Variants in AQP11 observed in about 807,000 individuals in gnomAD.
AQP11 encodes the protein aquaporin-11.
In AQP11, 20 loss-of-function variants were observed where a neutral mutation model predicts 21.1. The observed-to-expected ratio is 0.95, with a 90% CI of 0.67 to 1.38. The LOEUF (loss-of-function observed/expected upper bound fraction) is 1.38. Ranked by LOEUF, AQP11 falls within the 40% of genes most tolerant of loss-of-function variation. The pLI, the probability that AQP11 is intolerant of heterozygous loss-of-function variation, is 0.00. For missense variants in AQP11, 339 were observed against 340.4 expected (o/e 1.00, Z 0.03); for synonymous variants, 167 against 150.1 (o/e 1.11, Z -0.82).
intron 1 of AQP11, among the ~76,000 whole-genome samples, chr11:77,602,519 T>A (rs1312039984): frequency 6.6e-6 from 1 of 152,228 alleles, no homozygotes; most frequent in Non-Finnish European, 1.5e-5. Context: ...ATATCATTTA[T>A]AATTGCTGAG....
chr11:77,590,010 G>A lies in AQP11; in HGVS notation c.18G>A (p.Gly6=). Residue 6 remains glycine (G), a synonymous_variant, in exon 1 of 3, where the codon GGG becomes GGA. Coordinates refer to ENST00000313578, the MANE Select transcript of AQP11 (RefSeq NM_173039.3). ...ACGGAGCCATGTCGCCGCTGCTGGG[G>A]CTCCGGTCCGAGCTGCAGGACACCT... MSPLL[G]LRSELQDTCT... 6.7e-7 allele frequency: 1 copy of A among 1,502,120 alleles called. No individual in the cohort carries two copies. Among genetic ancestry groups the A allele is most frequent in the Non-Finnish European group, 8.8e-7 (1 of 1,130,040 alleles). 93.0% of individuals were successfully genotyped at this position (1,502,120 alleles called of 1,614,324 possible). A position where few individuals can be genotyped will look rare whatever the true frequency, so the allele number is the denominator to read the frequency against.
rs536473402 is a variant in AQP11 at position 77,590,244 on chromosome 11, C to T, written c.252C>T (p.Phe84=). The change falls in exon 1 of 3, where the codon TTC becomes TTT. Residue 84 remains phenylalanine (F), a synonymous_variant. Coordinates refer to ENST00000313578, the MANE Select transcript of AQP11 (RefSeq NM_173039.3). ...HPTWTLTLVY[F]FSLVHGLTLV... is the part of the protein sequence containing the mutation. Reference sequence around the variant, plus strand: ...CCTGGACGCTGACGCTCGTCTACTTCTTCTCGCTTGTGCATGGCCTGACTC... The same window carrying T: ...CCTGGACGCTGACGCTCGTCTACTTTTTCTCGCTTGTGCATGGCCTGACTC... 8.8e-6 allele frequency: 14 copies of T among 1,598,704 alleles called. No homozygotes were observed. In the African/African-American group the frequency reaches 1.9e-4, roughly 21 times the overall value.
chr11:77,601,344 CTTTTTTTT>C (rs36104720), intron 1 of AQP11, among the ~76,000 whole-genome samples: 28 of 129,396 alleles, frequency 2.2e-4, no homozygotes, highest in Non-Finnish European at 2.7e-4. Flanking sequence ...CCATTCAAAA[CTTTTTTTT>C]TTTTTTTTTT....
chr11:77,596,040 A>C (rs1958776612), intron 1 of AQP11, among the ~76,000 whole-genome samples: 1 of 151,698 alleles, frequency 6.6e-6, no homozygotes, highest in African/African-American at 2.4e-5. Flanking sequence ...AAAGGTCCAA[A>C]ATTTATTTTG....
At chr11:77,608,785 T>C (rs1238178119) in intron 2 of AQP11, among the ~76,000 whole-genome samples, 1 of 152,170 alleles carries the variant, frequency 6.6e-6, no homozygotes, top group Non-Finnish European at 1.5e-5. Flanking sequence ...TTGAGATTAA[T>C]GAAAAAAGAG....
At chr11:77,604,996 A>G (rs1400877765) in intron 2 of AQP11, among the ~76,000 whole-genome samples, 12 of 152,138 alleles carry the variant, frequency 7.9e-5, no homozygotes, top group Admixed American at 7.9e-4. Flanking sequence ...GATTGAGACC[A>G]TCCTGGCTAA....
intron 1 of AQP11, among the ~76,000 whole-genome samples, chr11:77,595,234 A>G (rs1037650959): frequency 6.6e-6 from 1 of 152,062 alleles, no homozygotes; most frequent in Non-Finnish European, 1.5e-5. Flanking sequence ...CCAGCTACTC[A>G]GGAGGCAGAG....
intron 1 of AQP11, among the ~76,000 whole-genome samples, chr11:77,593,960 A>T (rs556568017): frequency 6.6e-6 from 1 of 152,356 alleles, no homozygotes; most frequent in Admixed American, 6.5e-5. Context: ...AGCCAGACAC[A>T]AAAAGACAAA....
In AQP11 at chr11:77,609,530, A is replaced by T. The variant is rs1958865713; in HGVS notation, c.*153A>T. 5 of 441,538 alleles carry T rather than the reference A, an allele frequency of 1.1e-5. No homozygotes were observed. Among genetic ancestry groups the T allele is most frequent in the Non-Finnish European group, 2.0e-5 (5 of 254,842 alleles). 27.4% of individuals were successfully genotyped at this position (441,538 alleles called of 1,614,324 possible). On this transcript the variant is annotated 3_prime_UTR_variant, in exon 3 of 3. Coordinates refer to ENST00000313578, the MANE Select transcript of AQP11 (RefSeq NM_173039.3). ...TTATAGTTTTCATCACTGGGACTTTAAAAAAAAATTACTGTGAAAATGAGG... is the reference window on the plus strand; with the variant it reads ...TTATAGTTTTCATCACTGGGACTTTTAAAAAAAATTACTGTGAAAATGAGG...
intron 2 of AQP11, 79 bp downstream of exon 2, chr11:77,603,751 C>G: frequency 3.8e-6 from 4 of 1,059,702 alleles, no homozygotes; most frequent in Non-Finnish European, 5.3e-6. Context: ...TGTAACATGT[C>G]AATTTCCAAA....
chr11:77,601,628 G>C (rs1015677728), intron 1 of AQP11, among the ~76,000 whole-genome samples: 1 of 152,154 alleles, frequency 6.6e-6, no homozygotes, highest in Non-Finnish European at 1.5e-5. Flanking sequence ...AGGATTACAG[G>C]CATGAGCCAC....
chr11:77,603,448 G>A lies in AQP11; in HGVS notation c.620-108G>A, dbSNP rs1486894529. 2.4e-5 allele frequency: 18 copies of A among 744,472 alleles called. No homozygotes were observed. In the East Asian group the frequency reaches 4.6e-4, roughly 19 times the overall value. 46.1% of individuals were successfully genotyped at this position (744,472 alleles called of 1,614,324 possible). On this transcript the variant is annotated intron_variant, in intron 1 of 2. Coordinates refer to ENST00000313578, the MANE Select transcript of AQP11 (RefSeq NM_173039.3). ...GGTGATTCTGCAAAGGAAGATCACA[G>A]ACTAAGAATACCTAAAATAAAAGTC...
chr11:77,606,362 C>A (rs1031724480), intron 2 of AQP11, among the ~76,000 whole-genome samples: 1 of 152,138 alleles, frequency 6.6e-6, no homozygotes, highest in Non-Finnish European at 1.5e-5. Flanking sequence ...AATGCTAAAT[C>A]TTCTCCCTTT....
In AQP11 at chr11:77,603,962, ATT is replaced by A. The variant is rs1958830262; in HGVS notation, c.736+292_736+293del. Among the ~76,000 whole-genome samples, 3 of 151,844 alleles carry A rather than the reference ATT, an allele frequency of 2.0e-5. No individual in the cohort carries two copies. The South Asian group carries it at 6.2e-4, about 31-fold the overall frequency. ...AATCTTTTTTTTTTTTGCTAAAGAA[ATT>A]TGTTTTTTCACATTTGTGAGCTCCA... is the stretch of plus-strand genomic sequence containing the variant. On this transcript the variant is annotated intron_variant, in intron 2 of 2. Coordinates refer to ENST00000313578, the MANE Select transcript of AQP11 (RefSeq NM_173039.3).
At chr11:77,601,344 C>CTTT (rs36104720) in intron 1 of AQP11, among the ~76,000 whole-genome samples, 24 of 129,394 alleles carry the variant, frequency 1.9e-4, no homozygotes, top group South Asian at 2.4e-4. Flanking sequence ...CCATTCAAAA[C>CTTT]TTTTTTTTTT....
intron 1 of AQP11, among the ~76,000 whole-genome samples, chr11:77,592,636 TTTATC>T (rs1269449743): frequency 6.6e-6 from 1 of 152,222 alleles, no homozygotes; most frequent in African/African-American, 2.4e-5. Flanking sequence ...CATTCCCTAT[TTTATC>T]AGTGACAAAA....
At chr11:77,594,560 CA>C (rs1249812489) in intron 1 of AQP11, among the ~76,000 whole-genome samples, 38 of 152,212 alleles carry the variant, frequency 2.5e-4, no homozygotes. Context: ...CTAAGTCAGG[CA>C]TCATTACAAG....
At chr11:77,597,025 TTTATTA>T (rs910630072) in intron 1 of AQP11, among the ~76,000 whole-genome samples, 1 of 152,088 alleles carries the variant, frequency 6.6e-6, no homozygotes, top group African/African-American at 2.4e-5. Flanking sequence ...ATAATTATTA[TTTATTA>T]TTATTATTTC....
At chr11:77,606,274 A>AT (rs1315533329) in intron 2 of AQP11, among the ~76,000 whole-genome samples, 2 of 152,086 alleles carry the variant, frequency 1.3e-5, no homozygotes, top group African/African-American at 4.8e-5. Flanking sequence ...CTTAGAACAC[A>AT]TTTTCCAGCC....
Sources: gnomAD v4.1 joint callset for allele counts (sites outside exome capture counted in the v4.1 genomes callset) on GRCh38, gnomAD v4.1.1 for gene constraint, MANE v1.5 for transcripts, NCBI Gene and HGNC (gene_info 2026-07-23, HGNC 2026-07-21) for gene names.